The following EIF4G3 variants were observed in gnomAD, a reference collection of about 807,000 sequenced individuals.
The protein encoded by EIF4G3 is eukaryotic translation initiation factor 4 gamma 3.
In EIF4G3, 34 loss-of-function variants were observed where a neutral mutation model predicts 186.4. That is an observed-to-expected ratio of 0.18 (90% CI 0.14 to 0.24). EIF4G3 has a LOEUF of 0.24. Among genes scored for constraint, EIF4G3 ranks in the 10% least tolerant of loss-of-function variants. The pLI, the probability that EIF4G3 is intolerant of heterozygous loss-of-function variation, is 1.00. For synonymous variants in EIF4G3, 673 were observed against 679.5 expected, an observed-to-expected ratio of 0.99 and a Z score of 0.15; for missense variants, 1,536 against 1,948.5, an observed-to-expected ratio of 0.79 and a Z score of 3.99.
intron 2 of EIF4G3, among the ~76,000 whole-genome samples, chr1:21,115,792 T>C (rs1490455663): frequency 1.3e-5 from 2 of 152,118 alleles, no homozygotes; most frequent in Non-Finnish European, 2.9e-5. Context: ...TCACAGCTTA[T>C]TGCACCCGTG....
intron 16 of EIF4G3, among the ~76,000 whole-genome samples, chr1:20,898,306 A>G (rs2089079372): frequency 6.6e-6 from 1 of 152,172 alleles, no homozygotes; most frequent in Admixed American, 6.5e-5. Flanking sequence ...CCTGGGCAAC[A>G]TAGTGAGACC....
At position 20,841,973 on chromosome 1, in the gene EIF4G3, C is replaced by T. The variant is rs185437533; in HGVS notation, c.3889-945G>A. Among the ~76,000 whole-genome samples the T allele has an allele frequency of 7.3e-5, 11 of 150,150 alleles. No homozygotes were observed. In the East Asian group the frequency reaches 2.2e-3, roughly 30 times the overall value. On this transcript the variant is annotated intron_variant, in intron 29 of 36. Coordinates refer to ENST00000602326, the MANE Select transcript of EIF4G3 (RefSeq NM_001391906.1). Reference sequence around the variant, plus strand: ...GAAGGCTCATCTAGGTGTCTCACCACTGCCGCTTTTTCCTCCCTGCTCCTT... The same window carrying T: ...GAAGGCTCATCTAGGTGTCTCACCATTGCCGCTTTTTCCTCCCTGCTCCTT...
At chr1:20,809,200 T>G (rs2058744568) in intron 36 of EIF4G3, among the ~76,000 whole-genome samples, 1 of 152,182 alleles carries the variant, frequency 6.6e-6, no homozygotes, top group Non-Finnish European at 1.5e-5. Context: ...CTCAAACTCC[T>G]GACCTCGGGT....
chr1:21,023,493 C>A (rs548541206), intron 4 of EIF4G3, among the ~76,000 whole-genome samples: 3 of 152,032 alleles, frequency 2.0e-5, no homozygotes, highest in South Asian at 2.1e-4. Flanking sequence ...CCCCTAACCG[C>A]GAGTGATCCG....
intron 7 of EIF4G3, 121 bp downstream of exon 7, chr1:20,997,480 G>C: frequency 1.0e-6 from 1 of 955,266 alleles, no homozygotes; most frequent in East Asian, 2.6e-5. Context: ...TCAGATAAAA[G>C]CTACTCTTGA....
intron 2 of EIF4G3, among the ~76,000 whole-genome samples, chr1:21,145,172 T>C (rs1170509806): frequency 1.3e-5 from 2 of 152,286 alleles, no homozygotes; most frequent in South Asian, 2.1e-4. Context: ...GTATTTTGCA[T>C]GGAGGGCTCA....
chr1:21,131,783 G>T (rs1383297134), intron 2 of EIF4G3, among the ~76,000 whole-genome samples: 1 of 152,086 alleles, frequency 6.6e-6, no homozygotes, highest in African/African-American at 2.4e-5. Context: ...GACTAGCCTA[G>T]CCAACATGGC....
chr1:21,000,886 G>T (rs1317669452), intron 6 of EIF4G3, among the ~76,000 whole-genome samples: 1 of 152,106 alleles, frequency 6.6e-6, no homozygotes, highest in Non-Finnish European at 1.5e-5. Flanking sequence ...AATTGAAAGG[G>T]AGTAAAAAGA....
chr1:21,170,214 CAAAT>C (rs200782078), intron 2 of EIF4G3, among the ~76,000 whole-genome samples: 10 of 151,744 alleles, frequency 6.6e-5, no homozygotes, highest in Admixed American at 1.3e-4. Flanking sequence ...AACAAACAAA[CAAAT>C]AAATTTACAG....
intron 4 of EIF4G3, among the ~76,000 whole-genome samples, chr1:21,042,148 G>A (rs909082679): frequency 3.9e-5 from 6 of 151,964 alleles, no homozygotes; most frequent in Non-Finnish European, 5.9e-5. Flanking sequence ...CGCCATACCC[G>A]GCTAATTTTT....
intron 2 of EIF4G3, among the ~76,000 whole-genome samples, chr1:21,151,202 C>A (rs556754421): frequency 2.7e-5 from 4 of 146,980 alleles, no homozygotes; most frequent in Non-Finnish European, 6.0e-5. Flanking sequence ...TAAATGTTTC[C>A]GCAACATTTT....
At chr1:21,061,912 T>C (rs2094939634) in intron 3 of EIF4G3, among the ~76,000 whole-genome samples, 1 of 151,804 alleles carries the variant, frequency 6.6e-6, no homozygotes. Context: ...CATGCCTGGC[T>C]AATTTTTGTA....
At chr1:20,981,502 GCA>G (rs1381205097) in intron 8 of EIF4G3, among the ~76,000 whole-genome samples, 1 of 83,768 alleles carries the variant, frequency 1.2e-5, no homozygotes, top group African/African-American at 3.4e-5. Context: ...ACATGTATAC[GCA>G]CATACTGTAT....
At chr1:21,159,699 G>A (rs2097726941) in intron 2 of EIF4G3, among the ~76,000 whole-genome samples, 1 of 152,164 alleles carries the variant, frequency 6.6e-6, no homozygotes, top group Non-Finnish European at 1.5e-5. Flanking sequence ...AGGTATGGTG[G>A]CTCATGCCTG....
chr1:21,030,425 T>A (rs140600862), intron 4 of EIF4G3, among the ~76,000 whole-genome samples: 2,462 of 152,308 alleles, frequency 0.016, 31 homozygotes, highest in Non-Finnish European at 0.024. Flanking sequence ...CCTTTTTGCC[T>A]GCTGCCATCC....
chr1:20,812,853 A>C (rs1259634501), intron 35 of EIF4G3, among the ~76,000 whole-genome samples: 1 of 152,220 alleles, frequency 6.6e-6, no homozygotes, highest in Non-Finnish European at 1.5e-5. Context: ...TATTGGAAGG[A>C]GGAGGCGGCC....
chr1:21,115,507 A>G (rs1309435803), intron 2 of EIF4G3, among the ~76,000 whole-genome samples: 1 of 152,248 alleles, frequency 6.6e-6, no homozygotes, highest in East Asian at 1.9e-4. Context: ...TTCAGTTGCC[A>G]CAAACCTTAA....
intron 2 of EIF4G3, among the ~76,000 whole-genome samples, chr1:21,123,462 G>A (rs113830479): frequency 2.2e-4 from 34 of 151,434 alleles, no homozygotes; most frequent in Non-Finnish European, 8.8e-5. Flanking sequence ...TACACAGGAG[G>A]CTGAGGCACG....
At chr1:20,823,329 T>C (rs1221271566) in intron 33 of EIF4G3, among the ~76,000 whole-genome samples, 3 of 152,136 alleles carry the variant, frequency 2.0e-5, no homozygotes, top group Non-Finnish European at 4.4e-5. Flanking sequence ...TATTAACATA[T>C]CTTAGATAGC....
Sources: allele counts gnomAD v4.1 joint callset (sites outside exome capture counted in the v4.1 genomes callset), GRCh38; gene constraint gnomAD v4.1.1; transcripts MANE v1.5; gene names NCBI Gene and HGNC (gene_info 2026-07-23, HGNC 2026-07-21).